Variants in DNER observed in about 807,000 individuals in gnomAD.
The protein encoded by DNER is delta and Notch-like epidermal growth factor-related receptor.
Under a neutral mutation model 78.2 loss-of-function variants are expected in DNER, and 33 were observed. The ratio of observed to expected loss-of-function variants is 0.42; its 90% CI spans 0.32 to 0.56. The LOEUF (loss-of-function observed/expected upper bound fraction) is 0.56. Ranked by LOEUF, DNER falls within the 20% of genes least tolerant of loss-of-function variation. The pLI, the probability that DNER is intolerant of heterozygous loss-of-function variation, is 0.11. For synonymous variants in DNER, 417 were observed against 384.8 expected (o/e 1.08, Z -0.98); for missense variants, 918 against 975.3 (o/e 0.94, Z 0.78).
intron 1 of DNER, among the ~76,000 whole-genome samples, chr2:229,624,329 T>C (rs748160566): frequency 6.6e-6 from 1 of 152,224 alleles, no homozygotes; most frequent in African/African-American, 2.4e-5. Flanking sequence ...CTAAATCCTA[T>C]GCTAGCAGCT....
intron 1 of DNER, among the ~76,000 whole-genome samples, chr2:229,667,090 A>G (rs1699105474): frequency 6.6e-6 from 1 of 152,218 alleles, no homozygotes; most frequent in Admixed American, 6.5e-5. Flanking sequence ...GTGCTCAAAC[A>G]AGGACTTTTC....
At chr2:229,454,887 T>A (rs1694539094) in intron 7 of DNER, among the ~76,000 whole-genome samples, 1 of 150,888 alleles carries the variant, frequency 6.6e-6, no homozygotes, top group Non-Finnish European at 1.5e-5. Flanking sequence ...AAAAAGAAAG[T>A]GGGATATAAA....
At position 229,463,843 on chromosome 2, in the gene DNER, CAGA is replaced by C. The variant is rs1694750233; in HGVS notation, c.1261+13294_1261+13296del. On this transcript the variant is annotated intron_variant, in intron 7 of 12. Coordinates refer to ENST00000341772, the MANE Select transcript of DNER (RefSeq NM_139072.4). ...GAGCTCATTCTTGTACAGAGGAGAC[CAGA>C]AGGACATATTTGAGATAATGAGAGA... Among the ~76,000 whole-genome samples the C allele has an allele frequency of 2.0e-5, 3 of 152,256 alleles. No individual in the cohort carries two copies. The South Asian group carries it at 6.2e-4, about 32-fold the overall frequency.
At chr2:229,386,211 G>C (rs1484511455) in intron 11 of DNER, among the ~76,000 whole-genome samples, 2 of 152,140 alleles carry the variant, frequency 1.3e-5, no homozygotes, top group East Asian at 3.9e-4. Flanking sequence ...ATAAAAACAA[G>C]CATTGGTGAA....
chr2:229,586,549 AACACACAAAAC>A, intron 3 of DNER: 1 of 89,606 alleles, frequency 1.1e-5, no homozygotes, highest in Non-Finnish European at 1.8e-5. Context: ...AAAAAAAAAA[AACACACAAAAC>A]CACCCCACAG....
chr2:229,688,447 G>C (rs1332621913), intron 1 of DNER, among the ~76,000 whole-genome samples: 1 of 152,216 alleles, frequency 6.6e-6, no homozygotes, highest in Non-Finnish European at 1.5e-5. Flanking sequence ...ATGCAGAAAA[G>C]TCTGGGTTTG....
At chr2:229,549,638 ATGGTGGCTCATGCCTG>A (rs768151888) in intron 4 of DNER, among the ~76,000 whole-genome samples, 30 of 152,086 alleles carry the variant, frequency 2.0e-4, no homozygotes, top group Non-Finnish European at 3.4e-4. Context: ...TAGGCCGGGC[ATGGTGGCTCATGCCTG>A]TAACCCCAGG....
intron 6 of DNER, among the ~76,000 whole-genome samples, chr2:229,489,520 A>C (rs1695349308): frequency 6.9e-6 from 1 of 144,514 alleles, no homozygotes; most frequent in South Asian, 2.4e-4. Context: ...AGAGGGAAGG[A>C]AGGTGGTGAG....
chr2:229,546,786 CAGAT>C (rs756832373), intron 5 of DNER, among the ~76,000 whole-genome samples, 157 bp downstream of exon 5: 2,394 of 150,132 alleles, frequency 0.016, 60 homozygotes, highest in African/African-American at 0.055. Context: ...GACAGATAGA[CAGAT>C]AGATAGATAG....
chr2:229,444,297 C>A (rs1429994835), intron 8 of DNER, among the ~76,000 whole-genome samples: 1 of 152,172 alleles, frequency 6.6e-6, no homozygotes, highest in African/African-American at 2.4e-5. Context: ...AAATGGGCTG[C>A]CTGCCTCTCA....
At chr2:229,421,634 T>TAC (rs1394473803) in intron 8 of DNER, among the ~76,000 whole-genome samples, 1 of 17,410 alleles carries the variant, frequency 5.7e-5, no homozygotes, top group East Asian at 5.7e-3. Context: ...ATGAAATATA[T>TAC]ATATATATAT....
chr2:229,476,992 G>A, intron 7 of DNER, 148 bp downstream of exon 7: 1 of 576,156 alleles, frequency 1.7e-6, no homozygotes. Flanking sequence ...CTAAAAAGGG[G>A]GACTATCTTC....
chr2:229,653,543 C>T (rs1698857878), intron 1 of DNER, among the ~76,000 whole-genome samples: 1 of 152,164 alleles, frequency 6.6e-6, no homozygotes, highest in Non-Finnish European at 1.5e-5. Context: ...TTTATAAACA[C>T]ATATGCACCA....
chr2:229,359,027 C>A (rs1475554050), intron 12 of DNER, among the ~76,000 whole-genome samples: 1 of 152,100 alleles, frequency 6.6e-6, no homozygotes, highest in African/African-American at 2.4e-5. Context: ...TACTCCAGTG[C>A]CTGGAATATA....
At chr2:229,418,315 G>A in intron 8 of DNER, 85 bp from the exon 9 acceptor site, 1 of 1,569,322 alleles carries the variant, frequency 6.4e-7, no homozygotes. Context: ...GGCAGTTGGG[G>A]GTATTCATTA....
At chr2:229,449,134 G>C (rs1694399780) in intron 7 of DNER, among the ~76,000 whole-genome samples, 1 of 152,092 alleles carries the variant, frequency 6.6e-6, no homozygotes, top group East Asian at 1.9e-4. Context: ...TACTAAAAAT[G>C]TACCATACAA....
chr2:229,641,923 G>A (rs1698632180), intron 1 of DNER, among the ~76,000 whole-genome samples: 2 of 152,124 alleles, frequency 1.3e-5, no homozygotes, highest in South Asian at 4.1e-4. Context: ...CTAGAGGTCT[G>A]GCCAACCTTC....
intron 1 of DNER, among the ~76,000 whole-genome samples, chr2:229,598,204 T>G (rs1342055076): frequency 1.3e-5 from 2 of 152,240 alleles, no homozygotes; most frequent in Non-Finnish European, 2.9e-5. Flanking sequence ...TGGTGGGGCC[T>G]GGGGAGACAC....
chr2:229,498,324 C>T (rs192614093), intron 6 of DNER, among the ~76,000 whole-genome samples: 148 of 152,268 alleles, frequency 9.7e-4, no homozygotes, highest in African/African-American at 3.4e-3. Flanking sequence ...TAACATCATA[C>T]TCAGTAGTAA....
Sources: gnomAD v4.1 joint callset for allele counts (sites outside exome capture counted in the v4.1 genomes callset) on GRCh38, gnomAD v4.1.1 for gene constraint, MANE v1.5 for transcripts, NCBI Gene and HGNC (gene_info 2026-07-23, HGNC 2026-07-21) for gene names.